KLHL18: variants seen among roughly 807,000 people sequenced by gnomAD.
The protein encoded by KLHL18 is kelch like family member 18, also known as kelch-like protein 18.
In KLHL18, 38 loss-of-function variants were observed where a neutral mutation model predicts 58.5. The ratio of observed to expected loss-of-function variants is 0.65; its 90% CI spans 0.50 to 0.85. The LOEUF is 0.85. Ranked by LOEUF, KLHL18 falls within the 40% of genes least tolerant of loss-of-function variation. KLHL18 has a pLI of 0.00. For synonymous variants in KLHL18, 303 were observed against 301.9 expected (o/e 1.00, Z -0.04); for missense variants, 624 against 778.4 (o/e 0.80, Z 2.36).
rs550093986 is a variant in KLHL18 at position 47,290,534 on chromosome 3, C to A, written c.129+7440C>A. On this transcript the variant is annotated intron_variant, in intron 1 of 9. Coordinates refer to ENST00000232766, the MANE Select transcript of KLHL18 (RefSeq NM_025010.5). The stretch of plus-strand genomic sequence containing the variant: ...CTGGAGTACAGTGGTGGATCACAGC[C>A]CACTGCAGCGTCGAAATCCCTGGCT... Among the ~76,000 whole-genome samples, 3 of 152,144 alleles carry A rather than the reference C, an allele frequency of 2.0e-5. No homozygotes were observed. In the South Asian group the frequency reaches 6.2e-4, roughly 32 times the overall value.
intron 1 of KLHL18, among the ~76,000 whole-genome samples, chr3:47,289,461 A>G (rs1383741372): frequency 3.9e-5 from 6 of 152,340 alleles, no homozygotes; most frequent in South Asian, 2.1e-4. Flanking sequence ...TGAATCTGGA[A>G]TCTTGCCTAA....
rs933793887 is a variant in KLHL18 at position 47,313,846 on chromosome 3, A to G, written c.130-5807A>G. ...TCTCTTCACATAATAGCTACCTGACATTGGGTGAGCTACTTAACTTCCAAA... is the reference window on the plus strand; with the variant it reads ...TCTCTTCACATAATAGCTACCTGACGTTGGGTGAGCTACTTAACTTCCAAA... On this transcript the variant is annotated intron_variant, in intron 1 of 9. Coordinates refer to ENST00000232766, the MANE Select transcript of KLHL18 (RefSeq NM_025010.5). Among the ~76,000 whole-genome samples, 7 of 152,260 alleles carry G rather than the reference A, an allele frequency of 4.6e-5. No individual in the cohort carries two copies. In the South Asian group the frequency reaches 1.4e-3, roughly 32 times the overall value.
chr3:47,300,184 C>T (rs1055662034), intron 1 of KLHL18, among the ~76,000 whole-genome samples: 1 of 150,504 alleles, frequency 6.6e-6, no homozygotes, highest in Non-Finnish European at 1.5e-5. Context: ...TCTCTCTCCC[C>T]ACCTCCTTCT....
intron 4 of KLHL18, among the ~76,000 whole-genome samples, chr3:47,330,891 C>G (rs1450846513): frequency 1.3e-5 from 2 of 151,950 alleles, no homozygotes; most frequent in Non-Finnish European, 2.9e-5. Flanking sequence ...ACCACCATGC[C>G]AGGCTAATTT....
intron 1 of KLHL18, among the ~76,000 whole-genome samples, chr3:47,298,839 G>T (rs1041022102): frequency 1.3e-5 from 2 of 152,130 alleles, no homozygotes; most frequent in East Asian, 3.8e-4. Context: ...TGCCCATGAG[G>T]TCCATCCAAG....
chr3:47,287,989 G>A (rs1702712347), intron 1 of KLHL18, among the ~76,000 whole-genome samples: 1 of 152,050 alleles, frequency 6.6e-6, no homozygotes, highest in African/African-American at 2.4e-5. Flanking sequence ...GTGGGAGGCC[G>A]AGATGGGCAG....
At chr3:47,306,620 A>G (rs1353524122) in intron 1 of KLHL18, among the ~76,000 whole-genome samples, 1 of 152,222 alleles carries the variant, frequency 6.6e-6, no homozygotes, top group East Asian at 1.9e-4. Flanking sequence ...TCTGGAGCGT[A>G]TGCATCTAAG....
chr3:47,329,262 CTG>C (rs1029191310), intron 3 of KLHL18, among the ~76,000 whole-genome samples: 1 of 151,958 alleles, frequency 6.6e-6, no homozygotes, highest in African/African-American at 2.4e-5. Flanking sequence ...GAGTCTTGCT[CTG>C]TCGCCCAGGC....
chr3:47,309,806 C>T lies in KLHL18; in HGVS notation c.130-9847C>T, dbSNP rs965347999. Among the ~76,000 whole-genome samples the T allele has an allele frequency of 3.9e-5, 6 of 152,190 alleles. No individual in the cohort carries two copies. In the South Asian group the frequency reaches 1.0e-3, roughly 26 times the overall value. ...CGCGGTTAGGAGCTGGAGACCAGCC[C>T]GGCCAACACAGCGAAACCCCGTCTC... On this transcript the variant is annotated intron_variant, in intron 1 of 9. Transcript: ENST00000232766.
intron 1 of KLHL18, among the ~76,000 whole-genome samples, chr3:47,299,925 CTG>C (rs1702978222): frequency 6.7e-6 from 1 of 150,196 alleles, no homozygotes; most frequent in African/African-American, 2.4e-5. Context: ...TGACTCAAGA[CTG>C]TAACATCAAA....
chr3:47,307,313 T>G lies in KLHL18; in HGVS notation c.130-12340T>G, dbSNP rs555308900. Among the ~76,000 whole-genome samples, 5 of 152,324 alleles carry G rather than the reference T, an allele frequency of 3.3e-5. No individual in the cohort carries two copies. The South Asian group carries it at 1.0e-3, about 32-fold the overall frequency. Reference sequence around the variant, plus strand: ...GTCTTGATCTCCTGACCTCAAGTGATCTGCCCACCTCAGCCTCCCAAAGTG... The same window carrying G: ...GTCTTGATCTCCTGACCTCAAGTGAGCTGCCCACCTCAGCCTCCCAAAGTG... On this transcript the variant is annotated intron_variant, in intron 1 of 9. Coordinates refer to ENST00000232766, the MANE Select transcript of KLHL18 (RefSeq NM_025010.5).
chr3:47,310,005 G>A (rs1046478816), intron 1 of KLHL18, among the ~76,000 whole-genome samples: 4 of 151,188 alleles, frequency 2.6e-5, no homozygotes, highest in South Asian at 2.1e-4. Flanking sequence ...AGGGGGAGGG[G>A]GAGGTTAACT....
chr3:47,308,908 G>T (rs1187295895), intron 1 of KLHL18, among the ~76,000 whole-genome samples: 2 of 152,136 alleles, frequency 1.3e-5, no homozygotes, highest in East Asian at 3.9e-4. Flanking sequence ...CTAGGCAGAG[G>T]ACCCTGGGGC....
At chr3:47,333,767 G>A (rs1262374840) in intron 5 of KLHL18, among the ~76,000 whole-genome samples, 1 of 152,216 alleles carries the variant, frequency 6.6e-6, no homozygotes, top group East Asian at 1.9e-4. Flanking sequence ...TTACATCTAC[G>A]ATGATGGGCA....
chr3:47,322,207 A>C (rs1315492945), intron 2 of KLHL18, among the ~76,000 whole-genome samples: 1 of 152,256 alleles, frequency 6.6e-6, no homozygotes, highest in African/African-American at 2.4e-5. Context: ...AGCCACTAAA[A>C]ACAATAAACA....
intron 1 of KLHL18, among the ~76,000 whole-genome samples, 160 bp from the exon 2 acceptor site, chr3:47,319,493 T>C (rs1399928733): frequency 6.6e-6 from 1 of 152,234 alleles, no homozygotes; most frequent in Admixed American, 6.5e-5. Context: ...GTCATCATGC[T>C]AAGCCTTGGC....
intron 1 of KLHL18, among the ~76,000 whole-genome samples, chr3:47,299,638 G>A (rs904362943): frequency 2.0e-5 from 3 of 151,856 alleles, no homozygotes; most frequent in East Asian, 1.9e-4. Context: ...ACCAGCACAG[G>A]CAACATAGTG....
intron 1 of KLHL18, among the ~76,000 whole-genome samples, chr3:47,286,965 C>T (rs1021413412): frequency 5.9e-5 from 9 of 152,162 alleles, no homozygotes; most frequent in African/African-American, 2.2e-4. Flanking sequence ...TCTGCAGTTG[C>T]TTGTCTGGGG....
intron 1 of KLHL18, among the ~76,000 whole-genome samples, chr3:47,285,725 T>C (rs1399616332): frequency 2.0e-5 from 3 of 151,962 alleles, no homozygotes; most frequent in African/African-American, 7.3e-5. Context: ...TAGCAGAATA[T>C]TGCTTGTTCA....
Sources: gnomAD v4.1 joint callset for allele counts (sites outside exome capture counted in the v4.1 genomes callset) on GRCh38, gnomAD v4.1.1 for gene constraint, MANE v1.5 for transcripts, NCBI Gene and HGNC (gene_info 2026-07-23, HGNC 2026-07-21) for gene names.